Variants in SLF1 observed in about 807,000 individuals in gnomAD.
SLF1 encodes the protein SMC5-SMC6 complex localization factor protein 1.
A neutral mutation model predicts 123.0 loss-of-function variants in SLF1; 105 were observed. That is an observed-to-expected ratio of 0.85 (90% CI 0.73 to 1.00). The LOEUF (loss-of-function observed/expected upper bound fraction) is 1.00, where lower values mean the gene tolerates loss of function less well. Among genes scored for constraint, SLF1 ranks in the 50% least tolerant of loss-of-function variants. The pLI, the probability that SLF1 is intolerant of heterozygous loss-of-function variation, is 0.00. For missense variants in SLF1, 1,239 were observed against 1,223.0 expected (o/e 1.01, Z -0.20); for synonymous variants, 434 against 406.6 (o/e 1.07, Z -0.81).
At chr5:94,691,506 A>T in intron 18 of SLF1, 58 bp from the exon 19 acceptor site, 1 of 1,397,526 alleles carries the variant, frequency 7.2e-7, no homozygotes, top group African/African-American at 1.5e-5. Context: ...CCCTTTGATT[A>T]TTTTTTTTAG....
chr5:94,652,183 A>AT (rs773569070), intron 7 of SLF1, among the ~76,000 whole-genome samples: 3 of 151,110 alleles, frequency 2.0e-5, no homozygotes, highest in Non-Finnish European at 4.4e-5. Context: ...AATTTTTGTA[A>AT]TTTTTTCAGT....
intron 4 of SLF1, among the ~76,000 whole-genome samples, chr5:94,641,440 G>T (rs1351041899): frequency 6.6e-6 from 1 of 152,112 alleles, no homozygotes; most frequent in African/African-American, 2.4e-5. Flanking sequence ...AAATTACCAA[G>T]TCTTCAGTAT....
intron 14 of SLF1, among the ~76,000 whole-genome samples, chr5:94,676,858 G>A (rs1751127102): frequency 6.6e-6 from 1 of 152,180 alleles, no homozygotes. Context: ...TTATCTGCTA[G>A]CTAGAGCTAT....
Position 94,647,976 on chromosome 5 carries a change from C to A in SLF1, c.595-1478C>A, listed in dbSNP as rs376398160. On this transcript the variant is annotated intron_variant, in intron 5 of 20. Transcript: ENST00000265140. The stretch of plus-strand genomic sequence containing the variant: ...TTCAGGATTAGGAAACAGTTTATTT[C>A]TTGCCTTGTTGCTGATGATAGTGGT... Among the ~76,000 whole-genome samples the A allele has an allele frequency of 1.6e-4, 25 of 152,230 alleles. No individual in the cohort carries two copies. The South Asian group carries it at 5.2e-3, about 32-fold the overall frequency.
In SLF1 at chr5:94,642,780, T is replaced by G. The variant is rs558808431; in HGVS notation, c.432-493T>G. Among the ~76,000 whole-genome samples, 4 of 152,302 alleles carry G rather than the reference T, an allele frequency of 2.6e-5. No individual in the cohort carries two copies. In the South Asian group the frequency reaches 8.3e-4, roughly 32 times the overall value. On this transcript the variant is annotated intron_variant, in intron 4 of 20. Coordinates refer to ENST00000265140, the MANE Select transcript of SLF1 (RefSeq NM_032290.4). ...TTTGTTTTTTTCTAATTTTATTTTT[T>G]TATTTTGTAAAATGTATTTCTTAAC...
At chr5:94,678,686 C>A (rs1751394917) in intron 14 of SLF1, 122 bp from the exon 15 acceptor site, 2 of 794,904 alleles carry the variant, frequency 2.5e-6, no homozygotes, top group South Asian at 2.2e-5. Flanking sequence ...TACCTTTAAT[C>A]ATTACATACC....
chr5:94,679,081 A>G, intron 15 of SLF1, 126 bp downstream of exon 15: 7 of 1,013,076 alleles, frequency 6.9e-6, no homozygotes, highest in African/African-American at 1.6e-5. Context: ...TTATGGATGC[A>G]CGCACACATA....
intron 20 of SLF1, 129 bp downstream of exon 20, chr5:94,692,385 G>A (rs1753132953): frequency 1.1e-6 from 1 of 946,624 alleles, no homozygotes; most frequent in Non-Finnish European, 1.5e-6. Flanking sequence ...TAATGAAAAA[G>A]TAAGGATAAA....
chr5:94,648,141 C>G (rs1391252209), intron 5 of SLF1, among the ~76,000 whole-genome samples: 1 of 152,106 alleles, frequency 6.6e-6, no homozygotes, highest in Non-Finnish European at 1.5e-5. Flanking sequence ...TACTCATTTC[C>G]CCCCACCTGC....
At chr5:94,621,465 T>A (rs1320458985) in intron 1 of SLF1, among the ~76,000 whole-genome samples, 1 of 152,188 alleles carries the variant, frequency 6.6e-6, no homozygotes, top group Non-Finnish European at 1.5e-5. Context: ...AAAAATTAAA[T>A]CCTGCTTGTT....
chr5:94,690,131 A>T (rs1048951913), intron 18 of SLF1, among the ~76,000 whole-genome samples: 1 of 152,158 alleles, frequency 6.6e-6, no homozygotes, highest in African/African-American at 2.4e-5. Flanking sequence ...TAAGTACCTA[A>T]AGGATGAAAT....
intron 4 of SLF1, among the ~76,000 whole-genome samples, chr5:94,638,664 G>A (rs893542450): frequency 6.6e-6 from 1 of 152,182 alleles, no homozygotes; most frequent in African/African-American, 2.4e-5. Flanking sequence ...CTTTCTGTGT[G>A]GCACTATGCC....
At chr5:94,683,525 A>G (rs1194339708) in intron 15 of SLF1, among the ~76,000 whole-genome samples, 4 of 152,216 alleles carry the variant, frequency 2.6e-5, no homozygotes, top group African/African-American at 9.6e-5. Flanking sequence ...AGATTGGTGA[A>G]CTTACTTTTA....
At chr5:94,628,969 T>G in intron 2 of SLF1, 45 bp downstream of exon 2, 1 of 1,450,724 alleles carries the variant, frequency 6.9e-7, no homozygotes, top group Non-Finnish European at 9.3e-7. Context: ...GAAAAATAAC[T>G]ACAATTCAAA....
At chr5:94,635,064 T>C (rs1745601692) in intron 4 of SLF1, among the ~76,000 whole-genome samples, 1 of 152,216 alleles carries the variant, frequency 6.6e-6, no homozygotes, top group Non-Finnish European at 1.5e-5. Context: ...TTTCCTGTTT[T>C]TGTTTTTGTT....
chr5:94,686,517 G>GA, intron 15 of SLF1, 56 bp from the exon 16 acceptor site: 2 of 1,572,146 alleles, frequency 1.3e-6, no homozygotes. Context: ...ATAGCCTATG[G>GA]AAAAAATTGT....
At chr5:94,666,932 A>G (rs1749823824) in intron 12 of SLF1, among the ~76,000 whole-genome samples, 1 of 144,976 alleles carries the variant, frequency 6.9e-6, no homozygotes, top group South Asian at 2.2e-4. Flanking sequence ...GGAGTGGACC[A>G]TCACGCCTGG....
At chr5:94,624,577 C>G (rs569268985) in intron 1 of SLF1, among the ~76,000 whole-genome samples, 9 of 152,180 alleles carry the variant, frequency 5.9e-5, no homozygotes, top group African/African-American at 2.2e-4. Context: ...GATCTGGAAA[C>G]AGCAACATAG....
In SLF1 at chr5:94,688,594, G is replaced by T; in HGVS notation, c.2210G>T (p.Cys737Phe). 6.2e-7 allele frequency: 1 copy of T among 1,614,118 alleles called. No individual in the cohort carries two copies. The highest frequency in any genetic ancestry group is 8.5e-7 in the Non-Finnish European group (1 of 1,179,974). The change falls in exon 17 of 21, where the codon TGT (cysteine) becomes TTT (phenylalanine). Residue 737 changes from cysteine to phenylalanine, a missense_variant. Physicochemically the swap from Cys to Phe is radical, Grantham distance 205 (BLOSUM62 -2). Coordinates refer to ENST00000265140, the MANE Select transcript of SLF1 (RefSeq NM_032290.4). ...QVSKKIGQRP[C>F]FDSQRTLLML... ...TCAAAGAAAATAGGACAGCGGCCTT[G>T]TTTTGACTCTCAGAGAACCTTACTA... is the stretch of plus-strand genomic sequence containing the variant.
Sources: allele counts gnomAD v4.1 joint callset (sites outside exome capture counted in the v4.1 genomes callset), GRCh38; gene constraint gnomAD v4.1.1; transcripts MANE v1.5; gene names NCBI Gene and HGNC (gene_info 2026-07-23, HGNC 2026-07-21).